The following CCS variants were observed in gnomAD, a reference collection of about 807,000 sequenced individuals.
CCS encodes copper chaperone for superoxide dismutase.
CCS carries 32 observed loss-of-function variants against 35.5 expected under a neutral mutation model. The ratio of observed to expected loss-of-function variants is 0.90; its 90% CI spans 0.68 to 1.21. The LOEUF (loss-of-function observed/expected upper bound fraction) is 1.21, where lower values mean the gene tolerates loss of function less well. Among genes scored for constraint, CCS ranks in the 50% most tolerant of loss-of-function variants. The probability of loss-of-function intolerance (pLI) is 0.00; values close to 1 mark genes in which losing one functional copy is unlikely to be tolerated. For missense variants in CCS, 342 were observed against 375.4 expected (o/e 0.91, Z 0.73); for synonymous variants, 130 against 147.2 (o/e 0.88, Z 0.84).
At chr11:66,597,580 G>A (rs1193420529) in intron 2 of CCS, among the ~76,000 whole-genome samples, 2 of 150,870 alleles carry the variant, frequency 1.3e-5, no homozygotes, top group South Asian at 2.1e-4. Context: ...GTGAAACCCC[G>A]TCTTTACTAA....
chr11:66,593,527 G>GTTA, intron 1 of CCS, 115 bp from the exon 2 acceptor site: 4 of 1,114,472 alleles, frequency 3.6e-6, no homozygotes, highest in Non-Finnish European at 5.3e-6. Flanking sequence ...CTTGAAGAGG[G>GTTA]GTTAAGTGGG....
intron 2 of CCS, among the ~76,000 whole-genome samples, chr11:66,596,977 C>G (rs2134979441): frequency 6.6e-6 from 1 of 152,324 alleles, no homozygotes; most frequent in Admixed American, 6.5e-5. Context: ...GTTTCTTCAT[C>G]TTTCTGTGCC....
At chr11:66,604,214 A>G (rs1167355000) in intron 5 of CCS, among the ~76,000 whole-genome samples, 1 of 152,124 alleles carries the variant, frequency 6.6e-6, no homozygotes, top group African/African-American at 2.4e-5. Context: ...TGGGCATTGC[A>G]ATGAGACTTT....
intron 2 of CCS, among the ~76,000 whole-genome samples, chr11:66,595,699 T>C (rs1442753268): frequency 2.0e-5 from 3 of 152,094 alleles, no homozygotes; most frequent in Admixed American, 2.0e-4. Flanking sequence ...CTCACTGGGC[T>C]CTGAGCCAAC....
At chr11:66,605,627 C>A in intron 7 of CCS, 35 bp downstream of exon 7, 1 of 1,602,868 alleles carries the variant, frequency 6.2e-7, no homozygotes, top group South Asian at 1.1e-5. Context: ...AGGCTGTGCT[C>A]TGCGGATGGT....
intron 5 of CCS, among the ~76,000 whole-genome samples, chr11:66,603,382 C>A (rs1015887575): frequency 1.3e-5 from 2 of 151,824 alleles, no homozygotes. Flanking sequence ...CGAGACCAGG[C>A]TGGCCAATAT....
In CCS at chr11:66,606,012, G is replaced by T. The variant is rs1289143310; in HGVS notation, c.*157G>T. The T allele has an allele frequency of 2.7e-6, 2 of 740,554 alleles. No individual in the cohort carries two copies. The highest frequency in any genetic ancestry group is 3.9e-6 in the Non-Finnish European group (2 of 508,772). 45.9% of individuals were successfully genotyped at this position (740,554 alleles called of 1,614,324 possible). A position where few individuals can be genotyped will look rare whatever the true frequency, so the allele number is the denominator to read the frequency against. On this transcript the variant is annotated 3_prime_UTR_variant, in exon 8 of 8. Transcript: ENST00000533244. ...CTTGGCAAATGAAAGTTTTATTTTC[G>T]TTTGGGACTTGGTGTTTTGTGCTTG...
chr11:66,605,832 G>A lies in CCS; in HGVS notation c.802G>A (p.Ala268Thr), dbSNP rs760753625. 7.0e-6 allele frequency: 11 copies of A among 1,568,484 alleles called. No individual in the cohort carries two copies. The highest frequency in any genetic ancestry group is 8.6e-6 in the Non-Finnish European group (10 of 1,157,568). The change falls in exon 8 of 8, where the codon GCG (alanine) becomes ACG (threonine). Residue 268 changes from alanine (A) to threonine (T), a missense_variant. Ala to Thr is a moderately conservative substitution (Grantham distance 58). Transcript: ENST00000533244. ...CGCTGGCAAGGGCCGAAAGGAGTCA[G>A]CGCAGCCCCCTGCCCACCTTTGAGC... is the stretch of plus-strand genomic sequence containing the variant. ...PIAGKGRKES[A>T]QPPAHL
chr11:66,604,052 A>AAATT (rs1328174931), intron 5 of CCS, among the ~76,000 whole-genome samples: 14 of 138,068 alleles, frequency 1.0e-4, no homozygotes, highest in South Asian at 2.4e-4. Flanking sequence ...ATAAATAAAT[A>AAATT]AATTAATTAA....
At chr11:66,595,214 A>G (rs897993471) in intron 2 of CCS, among the ~76,000 whole-genome samples, 50 of 152,216 alleles carry the variant, frequency 3.3e-4, no homozygotes, top group African/African-American at 1.2e-3. Flanking sequence ...AGTCTTTGGC[A>G]TGTAATAACA....
At chr11:66,599,846 G>A in intron 4 of CCS, 1 of 516,962 alleles carries the variant, frequency 1.9e-6, no homozygotes, top group East Asian at 3.8e-5. Flanking sequence ...GCTGGGCACA[G>A]TAGCTCACAC....
intron 3 of CCS, 24 bp downstream of exon 3, chr11:66,599,277 C>T (rs780712977): frequency 1.9e-6 from 3 of 1,569,860 alleles, no homozygotes; most frequent in African/African-American, 2.7e-5. Flanking sequence ...GTGGCCTTGG[C>T]CCCTCTCGGA....
intron 5 of CCS, among the ~76,000 whole-genome samples, chr11:66,604,356 G>C (rs544991295): frequency 1.3e-5 from 2 of 152,334 alleles, no homozygotes; most frequent in East Asian, 3.9e-4. Context: ...GCAGGCAGCA[G>C]ATATCCCTCT....
chr11:66,605,295 C>T, intron 5 of CCS, 44 bp from the exon 6 acceptor site: 3 of 1,612,172 alleles, frequency 1.9e-6, no homozygotes, highest in South Asian at 2.2e-5. Flanking sequence ...AGCTTGGCAC[C>T]ACGTGGCACA....
At chr11:66,603,786 C>T (rs1287472802) in intron 5 of CCS, among the ~76,000 whole-genome samples, 3 of 152,060 alleles carry the variant, frequency 2.0e-5, no homozygotes, top group Non-Finnish European at 4.4e-5. Flanking sequence ...GCGGAGCTTG[C>T]AGTGAGCCGA....
intron 2 of CCS, among the ~76,000 whole-genome samples, chr11:66,597,176 C>T (rs890960226): frequency 1.3e-5 from 2 of 152,116 alleles, no homozygotes; most frequent in African/African-American, 2.4e-5. Flanking sequence ...AGATATAATT[C>T]GGCTGGGCGC....
intron 2 of CCS, among the ~76,000 whole-genome samples, chr11:66,597,165 A>G (rs1031355376): frequency 5.9e-5 from 9 of 152,202 alleles, no homozygotes; most frequent in African/African-American, 2.2e-4. Flanking sequence ...TAGCTTTATT[A>G]AGATATAATT....
intron 3 of CCS, 55 bp downstream of exon 3, chr11:66,599,308 T>C: frequency 1.3e-6 from 2 of 1,530,872 alleles, no homozygotes; most frequent in Non-Finnish European, 1.8e-6. Flanking sequence ...TCAGAGCTGG[T>C]ACAAATCTAA....
intron 2 of CCS, among the ~76,000 whole-genome samples, chr11:66,594,711 G>A (rs759235945): frequency 1.3e-5 from 2 of 151,702 alleles, no homozygotes; most frequent in Non-Finnish European, 2.9e-5. Flanking sequence ...AGGAGGTGGA[G>A]GCTGCAGTGA....
Sources: gnomAD v4.1 joint callset for allele counts (sites outside exome capture counted in the v4.1 genomes callset) on GRCh38, gnomAD v4.1.1 for gene constraint, MANE v1.5 for transcripts, NCBI Gene and HGNC (gene_info 2026-07-23, HGNC 2026-07-21) for gene names.